The following TYR variants were observed in gnomAD, a reference collection of about 807,000 sequenced individuals.
TYR encodes LB24-AB.
In TYR, 58 loss-of-function variants were observed where a neutral mutation model predicts 51.5. The ratio of observed to expected loss-of-function variants is 1.13; its 90% CI spans 0.91 to 1.40. The LOEUF (loss-of-function observed/expected upper bound fraction) is 1.40, where lower values mean the gene tolerates loss of function less well. Ranked by LOEUF, TYR falls within the 40% of genes most tolerant of loss-of-function variation. The pLI, the probability that TYR is intolerant of heterozygous loss-of-function variation, is 0.00. For missense variants in TYR, 732 were observed against 647.4 expected (o/e 1.13, Z -1.42); for synonymous variants, 263 against 235.2 (o/e 1.12, Z -1.08).
chr11:89,282,560 CT>C lies in TYR; in HGVS notation c.1185-2212del, dbSNP rs904008339. Among the ~76,000 whole-genome samples, 110 of 151,832 alleles carry C rather than the reference CT, an allele frequency of 7.2e-4. 1 individual carries two copies. In the Middle Eastern group the frequency reaches 0.014, roughly 19 times the overall value. ...TTTCTCCTTTTTCTTTGTATTTTCTCTATTTTACATAACAAACAAGTACTGC... is the reference window on the plus strand; with the variant it reads ...TTTCTCCTTTTTCTTTGTATTTTCTCATTTTACATAACAAACAAGTACTGC... On this transcript the variant is annotated intron_variant, in intron 3 of 4. Transcript: ENST00000263321.
intron 2 of TYR, among the ~76,000 whole-genome samples, chr11:89,193,158 T>C (rs1943469097): frequency 6.6e-6 from 1 of 152,180 alleles, no homozygotes; most frequent in Non-Finnish European, 1.5e-5. Flanking sequence ...ACAACAGTAC[T>C]CAGAATGCTG....
In TYR at chr11:89,241,828, CAT is replaced by C. The variant is rs199900799; in HGVS notation, c.1184+13867_1184+13868del. Reference sequence around the variant, plus strand: ...ACTATATAATATAGTATATACTATACATATATATATTTCATATTAATATAATA... The same window carrying C: ...ACTATATAATATAGTATATACTATACATATATATTTCATATTAATATAATA... On this transcript the variant is annotated intron_variant, in intron 3 of 4. Coordinates refer to ENST00000263321, the MANE Select transcript of TYR (RefSeq NM_000372.5). Among the ~76,000 whole-genome samples, 354 of 146,978 alleles carry C rather than the reference CAT, an allele frequency of 2.4e-3. 14 individuals are homozygous for C. The East Asian group carries it at 0.053, about 22-fold the overall frequency.
chr11:89,243,019 A>G (rs1468412802), intron 3 of TYR, among the ~76,000 whole-genome samples: 1 of 152,160 alleles, frequency 6.6e-6, no homozygotes, highest in African/African-American at 2.4e-5. Flanking sequence ...TTTAAATAAC[A>G]CTCAGGTGAT....
At chr11:89,265,403 T>C (rs1944513845) in intron 3 of TYR, among the ~76,000 whole-genome samples, 1 of 152,090 alleles carries the variant, frequency 6.6e-6, no homozygotes, top group Non-Finnish European at 1.5e-5. Flanking sequence ...CACTTGGCTG[T>C]GGAGTGAAAT....
At chr11:89,194,253 G>A (rs988016471) in intron 2 of TYR, among the ~76,000 whole-genome samples, 4 of 151,860 alleles carry the variant, frequency 2.6e-5, no homozygotes, top group African/African-American at 9.7e-5. Flanking sequence ...TTTTTTAATA[G>A]AACATTCTTC....
At position 89,178,341 on chromosome 11, in the gene TYR, G is replaced by A. The variant is rs1943254492; in HGVS notation, c.388G>A (p.Glu130Lys). 6.2e-7 allele frequency: 1 copy of A among 1,614,078 alleles called. No homozygotes were observed. Among genetic ancestry groups the A allele is most frequent in the East Asian group, 2.2e-5 (1 of 44,882 alleles). Residue 130 changes from glutamate (E) to lysine (K), a missense_variant, in exon 1 of 5, where the codon GAG (glutamate) becomes AAG (lysine). By Grantham distance (56) the Glu-to-Lys change is moderately conservative. Transcript: ENST00000263321. ...RRNIFDLSAP[E>K]KDKFFAYLTL... The stretch of plus-strand genomic sequence containing the variant: ...AAACATCTTCGATTTGAGTGCCCCA[G>A]AGAAGGACAAATTTTTTGCCTACCT...
rs1565395438 is a variant in TYR, at chr11:89,200,698, AAC to A, written c.1036+9285_1036+9286del. 5.3e-5 allele frequency: 8 copies of A among 152,276 alleles called. No homozygotes were observed. In the South Asian group the frequency reaches 1.7e-3, roughly 32 times the overall value. The allele number at this position is 152,276 out of a possible 1,614,324, so 9.4% of individuals were successfully genotyped here. On this transcript the variant is annotated intron_variant, in intron 2 of 4. Transcript: ENST00000263321. The stretch of plus-strand genomic sequence containing the variant: ...ATGAGATTACTTTATATTTTTTAAA[AAC>A]ACACTACATCTGACTACTTCTACAT...
chr11:89,230,657 A>T (rs527910180), intron 3 of TYR, among the ~76,000 whole-genome samples: 1 of 152,304 alleles, frequency 6.6e-6, no homozygotes, highest in East Asian at 1.9e-4. Flanking sequence ...TATTCAAACT[A>T]TATTAAAAAG....
chr11:89,230,842 A>G (rs1944036968), intron 3 of TYR, among the ~76,000 whole-genome samples: 1 of 151,618 alleles, frequency 6.6e-6, no homozygotes. Flanking sequence ...TATTAATGTT[A>G]CTTCACACCT....
chr11:89,228,457 G>T (rs1259020967), intron 3 of TYR, among the ~76,000 whole-genome samples: 1 of 152,182 alleles, frequency 6.6e-6, no homozygotes, highest in Non-Finnish European at 1.5e-5. Context: ...GGAGAAAGTT[G>T]TTAAGAGCAA....
At chr11:89,248,921 T>A (rs1196311211) in intron 3 of TYR, among the ~76,000 whole-genome samples, 1 of 152,068 alleles carries the variant, frequency 6.6e-6, no homozygotes, top group African/African-American at 2.4e-5. Context: ...ATAATATAGA[T>A]GTAGTTAGTA....
intron 1 of TYR, among the ~76,000 whole-genome samples, chr11:89,187,110 T>C (rs1269375720): frequency 6.6e-6 from 1 of 152,124 alleles, no homozygotes; most frequent in Admixed American, 6.6e-5. Context: ...GCATGGAGGT[T>C]TCAATCCCTA....
At chr11:89,188,128 T>C (rs916545530) in intron 1 of TYR, among the ~76,000 whole-genome samples, 10 of 151,276 alleles carry the variant, frequency 6.6e-5, no homozygotes, top group East Asian at 2.0e-4. Context: ...TCACACTTCC[T>C]AGACCTACTC....
intron 1 of TYR, among the ~76,000 whole-genome samples, chr11:89,189,850 G>A (rs1943419279): frequency 1.3e-5 from 2 of 152,044 alleles, no homozygotes; most frequent in Admixed American, 6.6e-5. Flanking sequence ...CCTTCAAAAA[G>A]CTAATTCTAA....
intron 2 of TYR, among the ~76,000 whole-genome samples, chr11:89,197,169 G>A (rs1177903880): frequency 6.6e-6 from 1 of 152,148 alleles, no homozygotes; most frequent in Non-Finnish European, 1.5e-5. Flanking sequence ...GTGTGAAAGT[G>A]TGAGATGAGT....
chr11:89,272,316 C>A lies in TYR; in HGVS notation c.1185-12457C>A, dbSNP rs1451064585. ...GATGTTGTGTAGGCAGGAATGAAAG[C>A]AATATTCATCTCCTTGTGTATCTCC... is the stretch of plus-strand genomic sequence containing the variant. On this transcript the variant is annotated intron_variant, in intron 3 of 4. Coordinates refer to ENST00000263321, the MANE Select transcript of TYR (RefSeq NM_000372.5). 9.9e-5 allele frequency among the ~76,000 whole-genome samples: 15 copies of A among 151,828 alleles called. No homozygotes were observed. In the East Asian group the frequency reaches 2.9e-3, roughly 30 times the overall value.
At chr11:89,294,695 G>A (rs1944887454) in intron 4 of TYR, among the ~76,000 whole-genome samples, 1 of 152,214 alleles carries the variant, frequency 6.6e-6, no homozygotes, top group Middle Eastern at 3.2e-3. Flanking sequence ...GTTCTTGGGA[G>A]GCTACTAAGA....
chr11:89,280,740 T>G (rs1435319054), intron 3 of TYR, among the ~76,000 whole-genome samples: 2 of 151,602 alleles, frequency 1.3e-5, no homozygotes, highest in African/African-American at 4.8e-5. Context: ...ACTTGTAATT[T>G]TTTATTAAAA....
intron 3 of TYR, among the ~76,000 whole-genome samples, chr11:89,279,681 A>G (rs1373822293): frequency 1.3e-5 from 2 of 151,676 alleles, no homozygotes; most frequent in Non-Finnish European, 3.0e-5. Flanking sequence ...GTAGAGAGCA[A>G]TTATCACACC....
Sources: gnomAD v4.1 joint callset for allele counts (sites outside exome capture counted in the v4.1 genomes callset) on GRCh38, gnomAD v4.1.1 for gene constraint, MANE v1.5 for transcripts, NCBI Gene and HGNC (gene_info 2026-07-23, HGNC 2026-07-21) for gene names.